The following DDX5 variants were observed in gnomAD, a reference collection of about 807,000 sequenced individuals.
The protein encoded by DDX5 is probable ATP-dependent RNA helicase DDX5.
Under a neutral mutation model 68.6 loss-of-function variants are expected in DDX5, and 6 were observed. The observed-to-expected ratio is 0.09, with a 90% CI of 0.05 to 0.17. DDX5 has a LOEUF of 0.17. DDX5 is among the 10% of genes least tolerant of loss of function. The pLI is 1.00. For synonymous variants in DDX5, 350 were observed against 247.0 expected (o/e 1.42, Z -3.91); for missense variants, 499 against 756.1 (o/e 0.66, Z 3.99).
chr17:64,503,899 A>ACT (rs2038359750), intron 4 of DDX5, 31 bp from the exon 5 acceptor site: 1 of 1,613,882 alleles, frequency 6.2e-7, no homozygotes, highest in Middle Eastern at 1.7e-4. Context: ...GACAAACAGA[A>ACT]ATCACATTAA....
intron 1 of DDX5, 40 bp downstream of exon 1, chr17:64,506,036 C>G (rs1555672437): frequency 2.6e-6 from 4 of 1,546,790 alleles, no homozygotes; most frequent in Non-Finnish European, 3.5e-6. Context: ...CCTCCCATCC[C>G]CCCACCCGCC....
intron 6 of DDX5, 38 bp downstream of exon 6, chr17:64,503,392 T>C (rs1328659556): frequency 4.3e-6 from 7 of 1,614,060 alleles, no homozygotes; most frequent in East Asian, 4.5e-5. Context: ...CTAGGATATT[T>C]AGCACCAATG....
At chr17:64,505,282 G>A (rs1241192126) in intron 1 of DDX5, 2 of 298,462 alleles carry the variant, frequency 6.7e-6, no homozygotes, top group East Asian at 7.0e-5. Context: ...TTAGTGGTAA[G>A]AACCTAAACA....
chr17:64,506,369 C>T, upstream of DDX5: 2 of 1,423,034 alleles, frequency 1.4e-6, no homozygotes, highest in Non-Finnish European at 9.2e-7. Context: ...CGCTCTATGA[C>T]CTAATCGCCC....
rs367725974 is a variant in DDX5 at position 64,504,194 on chromosome 17, G to A, written c.307+28C>T. On this transcript the variant is annotated intron_variant, in intron 3 of 12. Coordinates refer to ENST00000225792, the MANE Select transcript of DDX5 (RefSeq NM_004396.5). Reference sequence around the variant, plus strand: ...GGGGTAGGTGGAAACAAAAACACGGGTAGGTAGAACTGAAAAGTAGCACTT... The same window carrying A: ...GGGGTAGGTGGAAACAAAAACACGGATAGGTAGAACTGAAAAGTAGCACTT... 171 of 1,612,414 alleles carry A rather than the reference G, an allele frequency of 1.1e-4. No homozygotes were observed. The African/African-American group carries it at 1.9e-3, about 18-fold the overall frequency.
upstream of DDX5, chr17:64,506,523 G>T (rs6504238): frequency 6.0e-6 from 4 of 670,970 alleles, no homozygotes; most frequent in African/African-American, 5.5e-5. Context: ...CCTTCTTCTG[G>T]TCTTTCCACA....
In DDX5 at chr17:64,503,346, C is replaced by T. The variant is rs1555671449; in HGVS notation, c.652G>A (p.Val218Met). ...GPQIRDLERG[V>M]EICIATPGRL... ...CCAGGTGTTGCAATACAGATTTCCACACCTTTAATTAAATACGTAAGTGTA... is the reference window on the plus strand; with the variant it reads ...CCAGGTGTTGCAATACAGATTTCCATACCTTTAATTAAATACGTAAGTGTA... The change falls in exon 7 of 13, where the codon GTG becomes ATG. Residue 218 changes from valine (V) to methionine (M), a missense_variant and splice_region_variant. This residue lies in a region of DDX5 where 141 missense variants were observed against 279.8 expected (regional missense o/e 0.50). Transcript: ENST00000225792. 1 of 1,614,176 alleles carries T rather than the reference C, an allele frequency of 6.2e-7. No homozygotes were observed. The highest frequency in any genetic ancestry group is 8.5e-7 in the Non-Finnish European group (1 of 1,180,020).
intron 1 of DDX5, 62 bp from the exon 2 acceptor site, chr17:64,504,904 T>C: frequency 6.6e-7 from 1 of 1,512,884 alleles, no homozygotes; most frequent in African/African-American, 1.4e-5. Flanking sequence ...TCTGTATAGA[T>C]TTGTCATCCA....
intron 1 of DDX5, chr17:64,505,142 C>T (rs1028244977): frequency 3.1e-6 from 1 of 325,208 alleles, no homozygotes; most frequent in African/African-American, 2.2e-5. Flanking sequence ...TTCTGGCACA[C>T]ACCACTTCTT....
chr17:64,503,788 A>G lies in DDX5; in HGVS notation c.507+15T>C. The G allele has an allele frequency of 1.9e-6, 3 of 1,606,968 alleles. No homozygotes were observed. The highest frequency in any genetic ancestry group is 2.5e-6 in the Non-Finnish European group (3 of 1,177,604). ...ACATTATGCTTCTAATAAAAAGTTA[A>G]AAATATATACTTACAATAGGCCCAT... On this transcript the variant is annotated intron_variant, in intron 5 of 12. Transcript: ENST00000225792.
Position 64,503,876 on chromosome 17 carries a change from G to A in DDX5, c.442-8C>T, listed in dbSNP as rs1238245485. ...AATGGCAGGAAGCAAATACTATTTA[G>A]GGTGAAAGTGGGGACAAACAGAAAT... On this transcript the variant is annotated splice_region_variant and splice_polypyrimidine_tract_variant and intron_variant, in intron 4 of 12. Transcript: ENST00000225792. The A allele has an allele frequency of 2.5e-6, 4 of 1,613,984 alleles. No homozygotes were observed. Among genetic ancestry groups the A allele is most frequent in the Non-Finnish European group, 3.4e-6 (4 of 1,179,994 alleles).
upstream of DDX5, chr17:64,506,294 G>A (rs1475793887): frequency 3.9e-6 from 6 of 1,521,002 alleles, no homozygotes; most frequent in South Asian, 1.2e-5. Flanking sequence ...TGAGGTGCCG[G>A]CCGCTTTCCG....
At position 64,499,277 on chromosome 17, in the gene DDX5, A is replaced by C. The variant is rs2038234483; in HGVS notation, c.*646T>G. Among the ~76,000 whole-genome samples the C allele has an allele frequency of 6.6e-6, 1 of 152,186 alleles. No individual in the cohort carries two copies. Among genetic ancestry groups the C allele is most frequent in the Non-Finnish European group, 1.5e-5 (1 of 68,028 alleles). ...TCACCCACGTTCTCACACTATATAGATGACTTTGTATCTATTTTACTATTT... is the reference window on the plus strand; with the variant it reads ...TCACCCACGTTCTCACACTATATAGCTGACTTTGTATCTATTTTACTATTT... On this transcript the variant is annotated 3_prime_UTR_variant, in exon 13 of 13. Coordinates refer to ENST00000225792, the MANE Select transcript of DDX5 (RefSeq NM_004396.5).
At chr17:64,506,669 GC>G, upstream of DDX5, 1 of 332,344 alleles carries the variant, frequency 3.0e-6, no homozygotes, top group Non-Finnish European at 5.5e-6. Context: ...TTGTCACGTG[GC>G]TGTACCACCC....
At position 64,500,159 on chromosome 17, in the gene DDX5, C is replaced by G. The variant is rs1555670764; in HGVS notation, c.1609G>C (p.Ala537Pro). 1 of 1,614,208 alleles carries G rather than the reference C, an allele frequency of 6.2e-7. No homozygotes were observed. The highest frequency in any genetic ancestry group is 8.5e-7 in the Non-Finnish European group (1 of 1,180,042). The change falls in exon 13 of 13, where the codon GCT becomes CCT. Residue 537 changes from alanine (A) to proline (P), a missense_variant. This residue lies in a region of DDX5 where 171 missense variants were observed against 174.8 expected (regional missense o/e 0.98). Coordinates refer to ENST00000225792, the MANE Select transcript of DDX5 (RefSeq NM_004396.5). ...AAGCTCCCATTGGTGTAATTTGCAG[C>G]ACTGTAAACACCATTCTGAGTTTTT... The part of the protein sequence containing the change: ...GAKTQNGVYS[A>P]ANYTNGSFGS...
In DDX5 at chr17:64,500,601, A is replaced by G. The variant is rs782046584; in HGVS notation, c.1389T>C (p.Ala463=). 5.6e-6 allele frequency: 9 copies of G among 1,614,100 alleles called. No individual in the cohort carries two copies. Among genetic ancestry groups the G allele is most frequent in the Non-Finnish European group, 7.6e-6 (9 of 1,180,036 alleles). The change falls in exon 12 of 13, where the codon GCT becomes GCC. Residue 463 remains alanine, a synonymous_variant. Coordinates refer to ENST00000225792, the MANE Select transcript of DDX5 (RefSeq NM_004396.5). The part of the protein sequence containing the change: ...VSDLISVLRE[A]NQAINPKLLQ... ...GCAACTTGGGATTAATTGCTTGATT[A>G]GCTTCACGAAGCACAGAGATAAGGT...
chr17:64,503,227 G>A lies in DDX5; in HGVS notation c.771C>T (p.Gly257=), dbSNP rs782132049. 18 of 1,614,144 alleles carry A rather than the reference G, an allele frequency of 1.1e-5. No homozygotes were observed. Among genetic ancestry groups the A allele is most frequent in the Non-Finnish European group, 1.4e-5 (17 of 1,180,022 alleles). ...CAATCTTCCTTATTTGGGGTTCAAA[G>A]CCCATATCAAGCATTCTATCTGCTT... ...LDEADRMLDM[G]FEPQIRKIVD... is the part of the protein sequence containing the mutation. Residue 257 remains glycine, a synonymous_variant, in exon 7 of 13, where the codon GGC becomes GGT. Transcript: ENST00000225792.
chr17:64,502,257 A>C, intron 9 of DDX5, 34 bp from the exon 10 acceptor site: 3 of 1,610,752 alleles, frequency 1.9e-6, no homozygotes, highest in Non-Finnish European at 1.7e-6. Flanking sequence ...TATTAAACTC[A>C]CATTGAAAAC....
upstream of DDX5, chr17:64,506,301 T>C (rs2038519448): frequency 5.3e-6 from 8 of 1,515,860 alleles, no homozygotes; most frequent in Non-Finnish European, 1.8e-6. Context: ...CCGGCCGCTT[T>C]CCGGCAGCCG....
Sources: allele counts gnomAD v4.1 joint callset (sites outside exome capture counted in the v4.1 genomes callset), GRCh38; gene constraint gnomAD v4.1.1; regional missense constraint gnomAD v4.1.1; transcripts MANE v1.5; gene names NCBI Gene and HGNC (gene_info 2026-07-23, HGNC 2026-07-21).